The following TECTA variants were observed in gnomAD, a reference collection of about 807,000 sequenced individuals.
TECTA encodes alpha-tectorin.
In TECTA, 128 loss-of-function variants were observed where a neutral mutation model predicts 216.8. That is an observed-to-expected ratio of 0.59 (90% CI 0.51 to 0.68). The LOEUF is 0.68. Among genes scored for constraint, TECTA ranks in the 30% least tolerant of loss-of-function variants. TECTA has a pLI of 0.00. For synonymous variants in TECTA, 1,089 were observed against 1,117.1 expected, an observed-to-expected ratio of 0.97 and a Z score of 0.50; for missense variants, 2,551 against 2,786.2, an observed-to-expected ratio of 0.92 and a Z score of 1.90.
intron 7 of TECTA, among the ~76,000 whole-genome samples, chr11:121,120,669 A>C (rs1330067342): frequency 6.6e-6 from 1 of 152,254 alleles, no homozygotes; most frequent in African/African-American, 2.4e-5. Context: ...ACTGTTCTCA[A>C]ATAACAAAAT....
At chr11:121,182,290 C>T (rs1786655698) in intron 20 of TECTA, among the ~76,000 whole-genome samples, 1 of 151,752 alleles carries the variant, frequency 6.6e-6, no homozygotes. Flanking sequence ...CAGCAGTGGG[C>T]CAACTCTCAG....
At chr11:121,130,328 T>G (rs1055733496) in intron 10 of TECTA, 117 bp downstream of exon 10, 34 of 1,138,818 alleles carry the variant, frequency 3.0e-5, no homozygotes, top group Non-Finnish European at 3.7e-5. Flanking sequence ...TGTTAATTAC[T>G]GTGTATACCT....
chr11:121,167,683 G>A (rs903248405), intron 18 of TECTA, among the ~76,000 whole-genome samples: 1 of 152,194 alleles, frequency 6.6e-6, no homozygotes, highest in Non-Finnish European at 1.5e-5. Flanking sequence ...TGGATTTGGT[G>A]GAGAAGAGAT....
chr11:121,187,244 C>T (rs1947296896), intron 20 of TECTA, among the ~76,000 whole-genome samples: 1 of 152,146 alleles, frequency 6.6e-6, no homozygotes, highest in Admixed American at 6.5e-5. Flanking sequence ...GTTATCTGTG[C>T]CTGAGATATG....
chr11:121,157,704 C>G (rs755709629), intron 13 of TECTA, 137 bp from the exon 14 acceptor site: 2 of 1,220,978 alleles, frequency 1.6e-6, no homozygotes, highest in Admixed American at 1.9e-5. Flanking sequence ...GCCGTTTCCC[C>G]ACTGCTGCCT....
At chr11:121,116,214 T>C (rs1946499812) in intron 6 of TECTA, among the ~76,000 whole-genome samples, 1 of 152,222 alleles carries the variant, frequency 6.6e-6, no homozygotes, top group South Asian at 2.1e-4. Context: ...TTTGAGATTG[T>C]ACCCTCCTCC....
chr11:121,179,239 A>T (rs1197404416), intron 20 of TECTA, among the ~76,000 whole-genome samples: 1 of 151,276 alleles, frequency 6.6e-6, no homozygotes, highest in Admixed American at 6.6e-5. Flanking sequence ...TTCCATTTTC[A>T]CTTGTTTTTA....
rs746105433 is a variant in TECTA, at chr11:121,190,817, G to A, written c.*11G>A. The A allele has an allele frequency of 1.0e-5, 16 of 1,592,684 alleles. No homozygotes were observed. Among genetic ancestry groups the A allele is most frequent in the Non-Finnish European group, 1.3e-5 (15 of 1,162,646 alleles). On this transcript the variant is annotated 3_prime_UTR_variant, in exon 24 of 24. Transcript: ENST00000392793. ...GGCACGACCTCATAATTAACTCAAG[G>A]TTGCTATATAAAGTACTGTAATTTA... is the stretch of plus-strand genomic sequence containing the variant.
chr11:121,105,588 C>A lies in TECTA; in HGVS notation c.65-243C>A, dbSNP rs889838918. On this transcript the variant is annotated intron_variant, in intron 2 of 23. Transcript: ENST00000392793. The surrounding 1 kb of genome is among the most constrained non-coding windows in gnomAD (Gnocchi z 5.3). ...GATATCACCAAGATGCATGAAAGTG[C>A]AAGAACATGCACAAAGTGCTTTCTC... Among the ~76,000 whole-genome samples the A allele has an allele frequency of 2.0e-5, 3 of 152,218 alleles. No homozygotes were observed. Among genetic ancestry groups the A allele is most frequent in the Non-Finnish European group, 2.9e-5 (2 of 68,036 alleles).
At chr11:121,181,716 C>T (rs942601451) in intron 20 of TECTA, among the ~76,000 whole-genome samples, 2 of 152,214 alleles carry the variant, frequency 1.3e-5, no homozygotes, top group Admixed American at 6.5e-5. Flanking sequence ...GATCCACCCA[C>T]CTTGGCCTCA....
chr11:121,116,603 A>G (rs906806106), intron 6 of TECTA, among the ~76,000 whole-genome samples: 7 of 152,196 alleles, frequency 4.6e-5, no homozygotes, highest in Non-Finnish European at 7.3e-5. Context: ...ATAGACTGCT[A>G]TGCATTTTTA....
intron 21 of TECTA, 87 bp from the exon 22 acceptor site, chr11:121,188,993 A>G: frequency 7.2e-7 from 1 of 1,382,964 alleles, no homozygotes. Context: ...GGCCAGAGCC[A>G]CTGCCTCTTT....
chr11:121,126,627 G>A (rs981894954), intron 8 of TECTA, among the ~76,000 whole-genome samples: 1 of 152,158 alleles, frequency 6.6e-6, no homozygotes, highest in Non-Finnish European at 1.5e-5. Context: ...TGTAATCCAT[G>A]CATTTGAGAG....
chr11:121,157,892 C>A lies in TECTA; in HGVS notation c.4357C>A (p.Arg1453Ser). Residue 1453 changes from arginine to serine, a missense_variant, in exon 14 of 24, where the codon CGT (arginine) becomes AGT (serine). Physicochemically the swap from Arg to Ser is moderately radical, Grantham distance 110 (BLOSUM62 -1). Coordinates refer to ENST00000392793, the MANE Select transcript of TECTA (RefSeq NM_005422.4). ...SDCTRRCRCF[R>S]RNVIQCDPRQ... ...CTGCACGCGGCGCTGCCGCTGTTTC[C>A]GTCGCAACGTGATTCAGTGCGACCC... 6.2e-7 allele frequency: 1 copy of A among 1,614,242 alleles called. No homozygotes were observed. Among genetic ancestry groups the A allele is most frequent in the Non-Finnish European group, 8.5e-7 (1 of 1,180,042 alleles).
chr11:121,130,011 T>C lies in TECTA; in HGVS notation c.2741T>C (p.Ile914Thr), dbSNP rs769711531. ...TATCGAAGCCGCTCCAGGTGCGGCA[T>C]CATCAACGACCCCTCCAACAGCTCC... Reference protein sequence around the residue: ...KFYRSRSRCGIINDPSNSSFL... With the variant: ...KFYRSRSRCGTINDPSNSSFL... Residue 914 changes from isoleucine to threonine, a missense_variant, in exon 10 of 24, where the codon ATC becomes ACC. Physicochemically the swap from Ile to Thr is moderately conservative, Grantham distance 89 (BLOSUM62 -1). Coordinates refer to ENST00000392793, the MANE Select transcript of TECTA (RefSeq NM_005422.4). 2 of 1,608,828 alleles carry C rather than the reference T, an allele frequency of 1.2e-6. No individual in the cohort carries two copies. Among genetic ancestry groups the C allele is most frequent in the Non-Finnish European group, 1.7e-6 (2 of 1,176,364 alleles).
chr11:121,180,016 A>T, intron 20 of TECTA, among the ~76,000 whole-genome samples: 1 of 144,780 alleles, frequency 6.9e-6, no homozygotes, highest in African/African-American at 2.5e-5. Flanking sequence ...TGTATCTTTT[A>T]AGTGGGGAAT....
chr11:121,140,782 TTC>T (rs1440383305), intron 11 of TECTA: 3 of 152,352 alleles, frequency 2.0e-5, no homozygotes, highest in Non-Finnish European at 4.4e-5. Context: ...GTCTTCTGTT[TTC>T]TCTGTGTCCA....
At chr11:121,176,344 T>C in intron 20 of TECTA, among the ~76,000 whole-genome samples, 2 of 149,620 alleles carry the variant, frequency 1.3e-5, no homozygotes, top group Non-Finnish European at 3.0e-5. Flanking sequence ...CCTTTCCATG[T>C]TTAGTGCTTC....
chr11:121,182,653 CT>C (rs1338741982), intron 20 of TECTA, among the ~76,000 whole-genome samples: 5 of 151,644 alleles, frequency 3.3e-5, no homozygotes, highest in Admixed American at 1.3e-4. Context: ...TCAGGCCCCC[CT>C]GATGGTACAT....
Sources: allele counts gnomAD v4.1 joint callset (sites outside exome capture counted in the v4.1 genomes callset), GRCh38; gene constraint gnomAD v4.1.1; non-coding constraint Gnocchi (gnomAD v3.1); transcripts MANE v1.5; gene names NCBI Gene and HGNC (gene_info 2026-07-23, HGNC 2026-07-21).